Variants in LIPC observed in about 807,000 individuals in gnomAD.
LIPC encodes lipase C, hepatic type.
A neutral mutation model predicts 50.7 loss-of-function variants in LIPC; 44 were observed. The ratio of observed to expected loss-of-function variants is 0.87; its 90% CI spans 0.68 to 1.11. The LOEUF is 1.11. LIPC is among the 50% of genes most tolerant of loss of function. The pLI is 0.00. For missense variants in LIPC, 697 were observed against 648.2 expected (o/e 1.08, Z -0.82); for synonymous variants, 271 against 256.4 (o/e 1.06, Z -0.54).
At chr15:58,565,157 A>G in intron 8 of LIPC, 5 of 1,528,056 alleles carry the variant, frequency 3.3e-6, no homozygotes, top group East Asian at 2.4e-5. Context: ...TACTGAGAGC[A>G]TACTCTGCCG....
chr15:58,512,332 C>T (rs1331626788), intron 1 of LIPC, among the ~76,000 whole-genome samples: 1 of 152,198 alleles, frequency 6.6e-6, no homozygotes, highest in Non-Finnish European at 1.5e-5. Context: ...CTCCTGACGT[C>T]AGGTCATCCA....
At chr15:58,547,905 C>G (rs186290899) in intron 5 of LIPC, among the ~76,000 whole-genome samples, 1 of 152,216 alleles carries the variant, frequency 6.6e-6, no homozygotes, top group African/African-American at 2.4e-5. Context: ...CCCACGCAAG[C>G]CTGTTCCAGA....
chr15:58,498,905 G>C (rs935021661), intron 1 of LIPC, among the ~76,000 whole-genome samples: 3 of 152,234 alleles, frequency 2.0e-5, no homozygotes, highest in Non-Finnish European at 4.4e-5. Flanking sequence ...ACATGAGGGG[G>C]TTGTTTATAC....
chr15:58,551,721 G>A (rs773344563), intron 6 of LIPC, among the ~76,000 whole-genome samples: 2 of 152,080 alleles, frequency 1.3e-5, no homozygotes, highest in African/African-American at 4.8e-5. Flanking sequence ...GCCCAACCCC[G>A]GCCTACAGAG....
intron 1 of LIPC, among the ~76,000 whole-genome samples, chr15:58,448,359 C>G (rs548888105): frequency 6.6e-6 from 1 of 152,378 alleles, no homozygotes; most frequent in East Asian, 1.9e-4. Context: ...GCCCCCTCTT[C>G]TTAGCTCAGG....
Position 58,541,985 on chromosome 15 carries a change from C to G in LIPC, c.456+18C>G, listed in dbSNP as rs781415106. The G allele has an allele frequency of 2.1e-5, 33 of 1,598,502 alleles. No individual in the cohort carries two copies. In the Admixed American group the frequency reaches 5.4e-4, roughly 26 times the overall value. On this transcript the variant is annotated intron_variant, in intron 3 of 8. Transcript: ENST00000299022. ...GGCTGGAGGTACCGACCTGCCCCATCCTTCCTTCACCTCCCTTCCCTCCTT... is the reference window on the plus strand; with the variant it reads ...GGCTGGAGGTACCGACCTGCCCCATGCTTCCTTCACCTCCCTTCCCTCCTT...
chr15:58,453,181 T>A (rs1893975274), intron 1 of LIPC, among the ~76,000 whole-genome samples: 1 of 152,122 alleles, frequency 6.6e-6, no homozygotes, highest in African/African-American at 2.4e-5. Flanking sequence ...CTGAGCCTCC[T>A]CTCTTCAGAT....
intron 1 of LIPC, among the ~76,000 whole-genome samples, chr15:58,471,328 T>TTGGGG (rs1555399295): frequency 4.4e-5 from 5 of 114,182 alleles, no homozygotes; most frequent in Non-Finnish European, 7.2e-5. Flanking sequence ...TTAGTAGAGA[T>TTGGGG]GGGGGGGGGT....
chr15:58,474,314 T>C (rs563780805), intron 1 of LIPC, among the ~76,000 whole-genome samples: 18 of 152,228 alleles, frequency 1.2e-4, no homozygotes, highest in South Asian at 6.2e-4. Flanking sequence ...GCCCAGAAGT[T>C]TGAGACCAGC....
chr15:58,437,993 AG>A (rs369219245), intron 1 of LIPC, among the ~76,000 whole-genome samples: 92 of 152,284 alleles, frequency 6.0e-4, no homozygotes, highest in African/African-American at 2.2e-3. Flanking sequence ...ACAGAGACCC[AG>A]GACTGGAACC....
chr15:58,515,003 T>C (rs1390410168), intron 1 of LIPC, among the ~76,000 whole-genome samples: 2 of 152,140 alleles, frequency 1.3e-5, no homozygotes, highest in African/African-American at 4.8e-5. Flanking sequence ...AGAATCCGTT[T>C]CCTCACCTTT....
chr15:58,532,190 G>A (rs1892980744), intron 1 of LIPC, among the ~76,000 whole-genome samples: 1 of 152,166 alleles, frequency 6.6e-6, no homozygotes, highest in African/African-American at 2.4e-5. Flanking sequence ...ATGGCCTTGG[G>A]CAGAATCTGC....
intron 1 of LIPC, chr15:58,432,412 C>A: frequency 2.3e-6 from 1 of 429,566 alleles, no homozygotes. Flanking sequence ...TATTCAGCGG[C>A]AAATGATATG....
Position 58,460,281 on chromosome 15 carries a change from C to A in LIPC, c.88+28161C>A, listed in dbSNP as rs191647896. The stretch of plus-strand genomic sequence containing the variant: ...TGGAGTTCTAACTCTGCAGGAGAAG[C>A]AGTGAGGTAGGACTTTGAGGAATTC... On this transcript the variant is annotated intron_variant, in intron 1 of 8. Transcript: ENST00000299022. 3.3e-5 allele frequency among the ~76,000 whole-genome samples: 5 copies of A among 152,256 alleles called. No homozygotes were observed. In the East Asian group the frequency reaches 9.7e-4, roughly 29 times the overall value.
rs150869793 is a variant in LIPC, at chr15:58,565,167, G to A, written c.1388+1444G>A. 1.4e-3 allele frequency: 2,206 copies of A among 1,533,064 alleles called. 8 individuals carry two copies. Among genetic ancestry groups the A allele is most frequent in the Middle Eastern group, 0.01 (61 of 5,988 alleles). 95.0% of individuals were successfully genotyped at this position (1,533,064 alleles called of 1,614,324 possible). On this transcript the variant is annotated intron_variant, in intron 8 of 8. Transcript: ENST00000299022. ...GCAATTACTGAGAGCATACTCTGCC[G>A]TCTGCCAACAGATCTCCCAACAGGA...
chr15:58,538,286 A>G lies in LIPC; in HGVS notation c.89-47A>G, dbSNP rs747978291. 9 of 1,563,300 alleles carry G rather than the reference A, an allele frequency of 5.8e-6. No homozygotes were observed. In the Admixed American group the frequency reaches 1.2e-4, roughly 20 times the overall value. Reference sequence around the variant, plus strand: ...CCTTTGAGAAGACGGAGGGCTTCAGATGAAGCAGATGCCAGGCTAAGCACC... The same window carrying G: ...CCTTTGAGAAGACGGAGGGCTTCAGGTGAAGCAGATGCCAGGCTAAGCACC... On this transcript the variant is annotated intron_variant, in intron 1 of 8. Coordinates refer to ENST00000299022, the MANE Select transcript of LIPC (RefSeq NM_000236.3).
At chr15:58,460,382 G>T (rs1040733414) in intron 1 of LIPC, among the ~76,000 whole-genome samples, 84 of 152,252 alleles carry the variant, frequency 5.5e-4, no homozygotes, top group African/African-American at 1.9e-3. Context: ...AAGGAAAGGT[G>T]AAGGCTGGAT....
intron 1 of LIPC, among the ~76,000 whole-genome samples, chr15:58,448,105 T>C (rs1413299291): frequency 6.6e-6 from 1 of 152,208 alleles, no homozygotes; most frequent in Non-Finnish European, 1.5e-5. Flanking sequence ...AACAAGTTCC[T>C]AACATGGTAT....
At chr15:58,562,594 T>C (rs1894202321) in intron 7 of LIPC, among the ~76,000 whole-genome samples, 1 of 152,162 alleles carries the variant, frequency 6.6e-6, no homozygotes, top group Admixed American at 6.5e-5. Context: ...GAGATGATCC[T>C]GAGCTTCCCG....
Sources: gnomAD v4.1 joint callset for allele counts (sites outside exome capture counted in the v4.1 genomes callset) on GRCh38, gnomAD v4.1.1 for gene constraint, MANE v1.5 for transcripts, NCBI Gene and HGNC (gene_info 2026-07-23, HGNC 2026-07-21) for gene names.